C9orf153: variants seen among roughly 807,000 people sequenced by gnomAD.
C9orf153 encodes uncharacterized protein C9orf153.
A neutral mutation model predicts 9.0 loss-of-function variants in C9orf153; 10 were observed. The ratio of observed to expected loss-of-function variants is 1.11; its 90% CI spans 0.69 to 1.89. The LOEUF is 1.89. Ranked by LOEUF, C9orf153 falls within the 40% of genes most tolerant of loss-of-function variation. The probability of loss-of-function intolerance (pLI) is 0.00; values close to 1 mark genes in which losing one functional copy is unlikely to be tolerated. For missense variants in C9orf153, 108 were observed against 111.0 expected (o/e 0.97, Z 0.12); for synonymous variants, 35 against 37.3 (o/e 0.94, Z 0.23).
intron 1 of C9orf153, among the ~76,000 whole-genome samples, chr9:86,230,331 C>T (rs560328338): frequency 6.6e-6 from 1 of 152,106 alleles, no homozygotes; most frequent in African/African-American, 2.4e-5. Context: ...GATGAAGTTT[C>T]ACTCTTGTTG....
chr9:86,237,613 T>A (rs1481827408), intron 1 of C9orf153, among the ~76,000 whole-genome samples: 2 of 152,044 alleles, frequency 1.3e-5, no homozygotes, highest in African/African-American at 4.8e-5. Flanking sequence ...AGAACTCTCA[T>A]AGATCAAAAG....
At chr9:86,243,298 C>T (rs1824789441) in intron 1 of C9orf153, among the ~76,000 whole-genome samples, 1 of 152,118 alleles carries the variant, frequency 6.6e-6, no homozygotes, top group Non-Finnish European at 1.5e-5. Flanking sequence ...TTTCTCTCTC[C>T]TTCCTGAATT....
chr9:86,249,939 A>G (rs1824958557), intron 1 of C9orf153, among the ~76,000 whole-genome samples: 2 of 152,186 alleles, frequency 1.3e-5, no homozygotes, highest in Admixed American at 6.5e-5. Context: ...ACTAGAGTAC[A>G]TAGGGGGAAA....
intron 1 of C9orf153, among the ~76,000 whole-genome samples, chr9:86,255,058 G>A (rs1287349976): frequency 7.4e-6 from 1 of 134,384 alleles, no homozygotes; most frequent in African/African-American, 2.9e-5. Context: ...GTGAGACGCT[G>A]TCTCAGAAAA....
At chr9:86,255,431 C>T (rs1490569613) in intron 1 of C9orf153, among the ~76,000 whole-genome samples, 1 of 152,150 alleles carries the variant, frequency 6.6e-6, no homozygotes, top group African/African-American at 2.4e-5. Context: ...TTCTTCTGAG[C>T]CTTCCCTTGT....
chr9:86,227,272 G>C (rs745732180), intron 3 of C9orf153: 2 of 1,385,318 alleles, frequency 1.4e-6, no homozygotes, highest in South Asian at 1.8e-5. Context: ...TAAACCTCTC[G>C]GGTAGCCGAG....
intron 1 of C9orf153, among the ~76,000 whole-genome samples, chr9:86,257,052 C>T (rs1825135958): frequency 6.6e-6 from 1 of 152,170 alleles, no homozygotes; most frequent in African/African-American, 2.4e-5. Context: ...AATGTAAATA[C>T]TTGGTAAACA....
At chr9:86,241,701 A>C (rs901760438) in intron 1 of C9orf153, among the ~76,000 whole-genome samples, 1 of 152,090 alleles carries the variant, frequency 6.6e-6, no homozygotes, top group Non-Finnish European at 1.5e-5. Flanking sequence ...ATCTCAGCTA[A>C]TGCAACCTCC....
At position 86,221,590 on chromosome 9, in the gene C9orf153, C is replaced by A. The variant is rs1419319761; in HGVS notation, c.*98G>T. The A allele has an allele frequency of 3.5e-6, 5 of 1,435,850 alleles. No individual in the cohort carries two copies. In the South Asian group the frequency reaches 4.7e-5, roughly 13 times the overall value. 88.9% of individuals were successfully genotyped at this position (1,435,850 alleles called of 1,614,324 possible). On this transcript the variant is annotated 3_prime_UTR_variant, in exon 4 of 4. Coordinates refer to ENST00000339137, the MANE Select transcript of C9orf153 (RefSeq NM_001276366.4). ...TTGCGAACTATAGGGGGGAAAATAA[C>A]GTCAGGCATGTCCTGGCTCTCTACA...
chr9:86,223,704 G>A (rs1438143292), intron 3 of C9orf153, among the ~76,000 whole-genome samples: 2 of 152,152 alleles, frequency 1.3e-5, no homozygotes, highest in Admixed American at 6.5e-5. Flanking sequence ...CGTTGCTTCC[G>A]TATTAAAAGA....
chr9:86,255,616 T>C (rs1423374962), intron 1 of C9orf153, among the ~76,000 whole-genome samples: 1 of 152,206 alleles, frequency 6.6e-6, no homozygotes, highest in African/African-American at 2.4e-5. Flanking sequence ...CATAACCTGA[T>C]TTACCACCAT....
At chr9:86,255,884 C>T (rs891505718) in intron 1 of C9orf153, among the ~76,000 whole-genome samples, 97 of 152,314 alleles carry the variant, frequency 6.4e-4, no homozygotes, top group African/African-American at 2.3e-3. Context: ...ATAATAAGCT[C>T]ATCTGGCCAG....
In C9orf153 at chr9:86,257,737, A is replaced by G. The variant is rs114369082; in HGVS notation, c.-27+1813T>C. Among the ~76,000 whole-genome samples the G allele has an allele frequency of 2.7e-3, 417 of 152,324 alleles. 2 individuals carry two copies. Among genetic ancestry groups the G allele is most frequent in the African/African-American group, 9.4e-3 (391 of 41,576 alleles). On this transcript the variant is annotated intron_variant, in intron 1 of 3. Coordinates refer to ENST00000339137, the MANE Select transcript of C9orf153 (RefSeq NM_001276366.4). ...AATGCAATTTACTACTGCTGATATAACAACCAGAACTGAAAATATGACAAT... is the reference window on the plus strand; with the variant it reads ...AATGCAATTTACTACTGCTGATATAGCAACCAGAACTGAAAATATGACAAT...
At chr9:86,242,253 G>A (rs1824761193) in intron 1 of C9orf153, among the ~76,000 whole-genome samples, 1 of 152,132 alleles carries the variant, frequency 6.6e-6, no homozygotes, top group African/African-American at 2.4e-5. Context: ...CAGGAAAGAG[G>A]GAGAGAGGAG....
intron 1 of C9orf153, among the ~76,000 whole-genome samples, chr9:86,237,788 C>T (rs778191761): frequency 2.0e-5 from 3 of 151,952 alleles, no homozygotes; most frequent in Non-Finnish European, 4.4e-5. Flanking sequence ...AGTGTCAAAA[C>T]GTGAGGCAAG....
chr9:86,222,304 G>T (rs1044444493), intron 3 of C9orf153, among the ~76,000 whole-genome samples: 4 of 152,084 alleles, frequency 2.6e-5, no homozygotes, highest in African/African-American at 9.7e-5. Context: ...GCAGAGCCCC[G>T]GCAGGTGGAC....
intron 2 of C9orf153, chr9:86,228,824 C>G (rs577875616): frequency 5.5e-6 from 1 of 181,172 alleles, no homozygotes; most frequent in Non-Finnish European, 1.2e-5. Flanking sequence ...TGAGCTAACG[C>G]GTGGGAAAGT....
At chr9:86,226,754 TG>T (rs202209679) in intron 3 of C9orf153, among the ~76,000 whole-genome samples, 4,156 of 150,422 alleles carry the variant, frequency 0.028, 187 homozygotes, top group African/African-American at 0.093. Flanking sequence ...CATGGTTTTT[TG>T]TTTGTTTGTT....
intron 1 of C9orf153, among the ~76,000 whole-genome samples, chr9:86,251,914 T>C (rs902215601): frequency 3.6e-5 from 5 of 140,156 alleles, no homozygotes; most frequent in African/African-American, 5.6e-5. Flanking sequence ...TTAGGTAAAC[T>C]ACACACACAC....
Sources: allele counts gnomAD v4.1 joint callset (sites outside exome capture counted in the v4.1 genomes callset), GRCh38; gene constraint gnomAD v4.1.1; transcripts MANE v1.5; gene names NCBI Gene and HGNC (gene_info 2026-07-23, HGNC 2026-07-21).